Variants in GRM7 observed in about 807,000 individuals in gnomAD.
GRM7 encodes the protein glutamate metabotropic receptor 7.
A neutral mutation model predicts 84.5 loss-of-function variants in GRM7; 35 were observed. The observed-to-expected ratio is 0.41, with a 90% confidence interval of 0.32 to 0.55. The LOEUF is 0.55. Among genes scored for constraint, GRM7 ranks in the 20% least tolerant of loss-of-function variants. GRM7 has a pLI of 0.19. For synonymous variants in GRM7, 487 were observed against 455.1 expected, an observed-to-expected ratio of 1.07 and a Z score of -0.89; for missense variants, 1,003 against 1,194.6, an observed-to-expected ratio of 0.84 and a Z score of 2.36.
chr3:6,952,013 CT>C (rs201320985), intron 1 of GRM7, among the ~76,000 whole-genome samples: 120 of 150,862 alleles, frequency 8.0e-4, no homozygotes, highest in African/African-American at 2.8e-3. Context: ...AACCACTTAC[CT>C]TTTTTTTTAA....
At chr3:6,911,028 C>A (rs1436670703) in intron 1 of GRM7, among the ~76,000 whole-genome samples, 1 of 152,122 alleles carries the variant, frequency 6.6e-6, no homozygotes, top group African/African-American at 2.4e-5. Context: ...TGGTTGATTT[C>A]TAGTATTTGG....
chr3:7,000,455 G>A (rs1258002978), intron 1 of GRM7, among the ~76,000 whole-genome samples: 2 of 152,028 alleles, frequency 1.3e-5, no homozygotes, highest in Non-Finnish European at 1.5e-5. Flanking sequence ...CCAAAGTGCT[G>A]GGATTACAGG....
chr3:7,528,596 T>A (rs1700903377), intron 7 of GRM7, among the ~76,000 whole-genome samples: 2 of 152,196 alleles, frequency 1.3e-5, no homozygotes, highest in African/African-American at 4.8e-5. Context: ...TATAGTTCCT[T>A]TAGATGCAAG....
intron 1 of GRM7, among the ~76,000 whole-genome samples, chr3:6,999,436 G>A (rs1359954516): frequency 2.0e-5 from 3 of 152,012 alleles, no homozygotes; most frequent in African/African-American, 7.2e-5. Flanking sequence ...GTCTTCTTTG[G>A]AGCCCTCTAA....
At chr3:7,515,478 C>G (rs1401692444) in intron 7 of GRM7, among the ~76,000 whole-genome samples, 3 of 152,192 alleles carry the variant, frequency 2.0e-5, no homozygotes, top group Non-Finnish European at 4.4e-5. Flanking sequence ...TTGAGGAGCA[C>G]TGTCCTGGTT....
rs1699163470 is a variant in GRM7, at chr3:7,102,901, C to CT, written c.520-43544dup. Among the ~76,000 whole-genome samples the CT allele has an allele frequency of 2.0e-5, 3 of 151,632 alleles. No individual in the cohort carries two copies. In the South Asian group the frequency reaches 6.2e-4, roughly 32 times the overall value. On this transcript the variant is annotated intron_variant, in intron 1 of 9. Transcript: ENST00000357716. Reference sequence around the variant, plus strand: ...TCAGTTCTAGAATTTTTGTTCCATTCTTTTTTTCTTTTATATAGTTTTATC... The same window carrying CT: ...TCAGTTCTAGAATTTTTGTTCCATTCTTTTTTTTCTTTTATATAGTTTTATC...
intron 7 of GRM7, among the ~76,000 whole-genome samples, chr3:7,463,080 C>A (rs1698315438): frequency 6.6e-6 from 1 of 151,366 alleles, no homozygotes; most frequent in South Asian, 2.1e-4. Context: ...TTACTGGGTG[C>A]TGCCATGTGA....
chr3:7,600,246 G>C (rs1176025840), intron 8 of GRM7, among the ~76,000 whole-genome samples: 1 of 151,978 alleles, frequency 6.6e-6, no homozygotes, highest in Non-Finnish European at 1.5e-5. Flanking sequence ...TATAGTGTTT[G>C]TTAGGAAGAA....
rs1322311766 is a variant in GRM7 at position 7,139,064 on chromosome 3, T to TATTTATAA, written c.520-7388_520-7387insATTTATAA. ...ATCCTACTTTATAATATATAGTACA[T>TATTTATAA]TATATAATATTATATAATGTACTAT... On this transcript the variant is annotated intron_variant, in intron 1 of 9. Transcript: ENST00000357716. Among the ~76,000 whole-genome samples, 9 of 147,622 alleles carry TATTTATAA rather than the reference T, an allele frequency of 6.1e-5. No homozygotes were observed. In the South Asian group the frequency reaches 1.9e-3, roughly 31 times the overall value.
intron 1 of GRM7, among the ~76,000 whole-genome samples, chr3:6,960,315 T>C (rs776206606): frequency 6.6e-6 from 1 of 152,154 alleles, no homozygotes; most frequent in Non-Finnish European, 1.5e-5. Flanking sequence ...ATTTTCCAGC[T>C]CTCTTTTCCA....
At position 7,680,105 on chromosome 3, in the gene GRM7, G is replaced by A. The variant is rs750777601; in HGVS notation, c.2508G>A (p.Ala836=). The A allele has an allele frequency of 8.7e-6, 14 of 1,613,580 alleles. No homozygotes were observed. The highest frequency in any genetic ancestry group is 6.7e-5 in the African/African-American group (5 of 74,864). The change falls in exon 9 of 10, where the codon GCG becomes GCA. Residue 836 remains alanine (A), a synonymous_variant. Coordinates refer to ENST00000357716, the MANE Select transcript of GRM7 (RefSeq NM_000844.4). ...TISMNLSASV[A]LGMLYMPKVY... is the part of the protein sequence containing the mutation. ...CCATGAACCTAAGTGCATCAGTGGC[G>A]CTGGGGATGCTATACATGCCGAAAG...
intron 1 of GRM7, among the ~76,000 whole-genome samples, chr3:7,035,821 C>T (rs1161435379): frequency 2.0e-5 from 3 of 152,178 alleles, no homozygotes; most frequent in African/African-American, 7.2e-5. Flanking sequence ...TTCTCAGCCC[C>T]CATGTCTTAG....
intron 1 of GRM7, among the ~76,000 whole-genome samples, chr3:7,070,169 G>A (rs555634686): frequency 2.0e-5 from 3 of 152,010 alleles, no homozygotes; most frequent in Non-Finnish European, 4.4e-5. Flanking sequence ...AGTTTCCAAA[G>A]TGTATTTCAT....
intron 1 of GRM7, among the ~76,000 whole-genome samples, chr3:7,034,980 C>T (rs531059184): frequency 1.4e-4 from 21 of 152,278 alleles, no homozygotes; most frequent in African/African-American, 5.1e-4. Context: ...GTACAGAGAA[C>T]ATGGCTTCGT....
intron 2 of GRM7, among the ~76,000 whole-genome samples, chr3:7,225,067 C>T (rs919933231): frequency 6.6e-6 from 1 of 152,078 alleles, no homozygotes; most frequent in Non-Finnish European, 1.5e-5. Flanking sequence ...TAAACTACCT[C>T]CTTGCTGACT....
intron 1 of GRM7, among the ~76,000 whole-genome samples, chr3:6,897,036 G>A (rs1416929498): frequency 1.3e-5 from 2 of 152,286 alleles, no homozygotes; most frequent in African/African-American, 2.4e-5. Flanking sequence ...CAGTTATCCT[G>A]AGCAAATTAC....
At chr3:7,178,810 A>G (rs1003084238) in intron 2 of GRM7, among the ~76,000 whole-genome samples, 2 of 151,964 alleles carry the variant, frequency 1.3e-5, no homozygotes, top group African/African-American at 4.8e-5. Context: ...GCTGCGCACC[A>G]TGGCTCATGC....
At chr3:6,899,400 TA>T (rs1696308028) in intron 1 of GRM7, among the ~76,000 whole-genome samples, 1 of 152,200 alleles carries the variant, frequency 6.6e-6, no homozygotes, top group Non-Finnish European at 1.5e-5. Flanking sequence ...CAACTTTTGA[TA>T]AAATATTAAC....
At chr3:6,960,036 G>A (rs73808493) in intron 1 of GRM7, among the ~76,000 whole-genome samples, 101 of 152,254 alleles carry the variant, frequency 6.6e-4, no homozygotes, top group African/African-American at 2.3e-3. Context: ...ATATCAATAG[G>A]TCCTCCAAAC....
Sources: gnomAD v4.1 joint callset for allele counts (sites outside exome capture counted in the v4.1 genomes callset) on GRCh38, gnomAD v4.1.1 for gene constraint, MANE v1.5 for transcripts, NCBI Gene and HGNC (gene_info 2026-07-23, HGNC 2026-07-21) for gene names.